The following MAPK10 variants were observed in gnomAD, a reference collection of about 807,000 sequenced individuals.
MAPK10 encodes the protein JNK3 alpha protein kinase.
Under a neutral mutation model 59.3 loss-of-function variants are expected in MAPK10, and 25 were observed. The ratio of observed to expected loss-of-function variants is 0.42; its 90% CI spans 0.31 to 0.59. The LOEUF (loss-of-function observed/expected upper bound fraction) is 0.59. MAPK10 is among the 20% of genes least tolerant of loss of function. The pLI is 0.15. For missense variants in MAPK10, 351 were observed against 568.9 expected, an observed-to-expected ratio of 0.62 and a Z score of 3.90; for synonymous variants, 190 against 200.5, an observed-to-expected ratio of 0.95 and a Z score of 0.44.
In MAPK10 at chr4:86,065,689, T is replaced by G. The variant is rs2046604628; in HGVS notation, c.986-1299A>C. On this transcript the variant is annotated intron_variant, in intron 10 of 13. Transcript: ENST00000641462. ...TCCTAAAGCTATCCCTCCCCTAGTC[T>G]TTTACATAAAGTTTTAACAGAAATG... is the stretch of plus-strand genomic sequence containing the variant. The G allele has an allele frequency of 1.3e-5, 2 of 152,184 alleles. 1 individual carries two copies. Among genetic ancestry groups the G allele is most frequent in the South Asian group, 4.1e-4 (2 of 4,832 alleles). 9.4% of individuals were successfully genotyped at this position (152,184 alleles called of 1,614,324 possible). A position where few individuals can be genotyped will look rare whatever the true frequency, so the allele number is the denominator to read the frequency against.
chr4:86,195,632 TAC>T (rs2081115753), intron 2 of MAPK10, among the ~76,000 whole-genome samples: 1 of 152,220 alleles, frequency 6.6e-6, no homozygotes, highest in African/African-American at 2.4e-5. Context: ...GCAGGTTTGT[TAC>T]ATAGGTATAC....
chr4:86,496,759 AT>A, intron 1 of MAPK10, among the ~76,000 whole-genome samples: 1 of 152,292 alleles, frequency 6.6e-6, no homozygotes, highest in South Asian at 2.1e-4. Context: ...ATGACAATTA[AT>A]TTTTTCTGGT....
At chr4:86,488,289 A>C (rs998601845) in intron 1 of MAPK10, among the ~76,000 whole-genome samples, 1 of 152,202 alleles carries the variant, frequency 6.6e-6, no homozygotes, top group African/African-American at 2.4e-5. Flanking sequence ...CTGATGAAAA[A>C]GAACCTATTG....
At chr4:86,185,453 G>T (rs1184922154) in intron 3 of MAPK10, among the ~76,000 whole-genome samples, 1 of 152,116 alleles carries the variant, frequency 6.6e-6, no homozygotes, top group East Asian at 1.9e-4. Flanking sequence ...GATAATAAAG[G>T]CTTGGGGATT....
chr4:86,495,149 G>A (rs1177110534), intron 1 of MAPK10, among the ~76,000 whole-genome samples: 2 of 152,172 alleles, frequency 1.3e-5, no homozygotes, highest in African/African-American at 2.4e-5. Flanking sequence ...GGCCTAAAGC[G>A]AGTTTGGCTT....
chr4:86,078,134 G>A (rs996689237), intron 9 of MAPK10, among the ~76,000 whole-genome samples: 19 of 152,154 alleles, frequency 1.2e-4, no homozygotes, highest in African/African-American at 3.9e-4. Flanking sequence ...TTGTAATCAA[G>A]GATGGGATTA....
chr4:86,285,715 T>C (rs1474604717), intron 2 of MAPK10, among the ~76,000 whole-genome samples: 1 of 152,160 alleles, frequency 6.6e-6, no homozygotes, highest in Non-Finnish European at 1.5e-5. Flanking sequence ...AAGAGATTTA[T>C]TATAGGAATT....
chr4:86,443,659 G>A (rs183792424), intron 1 of MAPK10, among the ~76,000 whole-genome samples: 39 of 152,082 alleles, frequency 2.6e-4, no homozygotes, highest in Non-Finnish European at 4.9e-4. Flanking sequence ...CACCACATCA[G>A]TAAAGGCTTA....
chr4:86,101,403 A>C (rs948276479), intron 7 of MAPK10, 186 bp from the exon 8 acceptor site: 26 of 522,576 alleles, frequency 5.0e-5, no homozygotes, highest in Non-Finnish European at 7.8e-5. Flanking sequence ...AAGTGTTTTA[A>C]TCCCAGAAAA....
intron 1 of MAPK10, among the ~76,000 whole-genome samples, chr4:86,386,936 C>T (rs1011309730): frequency 6.6e-6 from 1 of 152,048 alleles, no homozygotes; most frequent in Non-Finnish European, 1.5e-5. Flanking sequence ...TGCCTCAAGA[C>T]TGTGGTAGAG....
At chr4:86,091,710 T>C (rs1171435840) in intron 9 of MAPK10, among the ~76,000 whole-genome samples, 2 of 152,062 alleles carry the variant, frequency 1.3e-5, no homozygotes, top group East Asian at 3.9e-4. Flanking sequence ...TGTCTAGCTC[T>C]GTCACTAGAC....
At chr4:86,363,796 T>C (rs2148986932), upstream of MAPK10, among the ~76,000 whole-genome samples, 1 of 152,314 alleles carries the variant, frequency 6.6e-6, no homozygotes, top group Middle Eastern at 3.4e-3. Flanking sequence ...AAACTCTTTT[T>C]TTTTGAGACA....
chr4:86,251,540 G>A (rs2093431661), intron 2 of MAPK10, among the ~76,000 whole-genome samples: 1 of 134,316 alleles, frequency 7.4e-6, no homozygotes, highest in Non-Finnish European at 1.6e-5. Context: ...ATTCCATGGT[G>A]TATATGTGCC....
At chr4:86,305,820 C>CAAAAAAAAAAAA (rs34255377) in intron 2 of MAPK10, among the ~76,000 whole-genome samples, 1 of 112,036 alleles carries the variant, frequency 8.9e-6, no homozygotes. Context: ...ACTCCATCTC[C>CAAAAAAAAAAAA]AAAAAAAAAA....
chr4:86,067,222 A>G (rs973399894), intron 10 of MAPK10, among the ~76,000 whole-genome samples: 16 of 152,038 alleles, frequency 1.1e-4, no homozygotes, highest in African/African-American at 2.9e-4. Flanking sequence ...GCTCACTGCA[A>G]CCTCTTCCTC....
At chr4:86,155,876 C>G (rs1426406450) in intron 4 of MAPK10, among the ~76,000 whole-genome samples, 1 of 151,898 alleles carries the variant, frequency 6.6e-6, no homozygotes, top group African/African-American at 2.4e-5. Context: ...AAAATTTGAA[C>G]ACAAGCACTG....
rs571912413 is a variant in MAPK10, at chr4:86,483,899, C to T, written c.-263+110011G>A. 2.6e-5 allele frequency among the ~76,000 whole-genome samples: 4 copies of T among 152,096 alleles called. No homozygotes were observed. In the East Asian group the frequency reaches 7.7e-4, roughly 29 times the overall value. On this transcript the variant is annotated intron_variant, in intron 1 of 4. Transcript: ENST00000502302. ...TAAAAGAAGAGGGGGAGGGGAAGATCCAAAGATTAAAGAATAAGAGGTAGC... is the reference window on the plus strand; with the variant it reads ...TAAAAGAAGAGGGGGAGGGGAAGATTCAAAGATTAAAGAATAAGAGGTAGC...
At chr4:86,574,354 C>T (rs113806723) in intron 1 of MAPK10, among the ~76,000 whole-genome samples, 4,281 of 139,672 alleles carry the variant, frequency 0.031, 34 homozygotes, top group African/African-American at 0.061. Flanking sequence ...TGAATAGTGC[C>T]GCAATAAACA....
At chr4:86,103,848 T>C (rs2056032891) in intron 5 of MAPK10, among the ~76,000 whole-genome samples, 1 of 152,086 alleles carries the variant, frequency 6.6e-6, no homozygotes, top group Non-Finnish European at 1.5e-5. Flanking sequence ...GTTTCCTGCT[T>C]TATTTTATAT....
Sources: allele counts gnomAD v4.1 joint callset (sites outside exome capture counted in the v4.1 genomes callset), GRCh38; gene constraint gnomAD v4.1.1; transcripts MANE v1.5; gene names NCBI Gene and HGNC (gene_info 2026-07-23, HGNC 2026-07-21).